SPAG9: variants seen among roughly 807,000 people sequenced by gnomAD.
The protein encoded by SPAG9 is C-Jun-amino-terminal kinase-interacting protein 4.
A neutral mutation model predicts 166.5 loss-of-function variants in SPAG9; 35 were observed. The observed-to-expected ratio is 0.21, with a 90% CI of 0.16 to 0.28. The LOEUF (loss-of-function observed/expected upper bound fraction) is 0.28. Ranked by LOEUF, SPAG9 falls within the 10% of genes least tolerant of loss-of-function variation. The probability of loss-of-function intolerance (pLI) is 1.00; values close to 1 mark genes in which losing one functional copy is unlikely to be tolerated. For synonymous variants in SPAG9, 534 were observed against 565.5 expected (o/e 0.94, Z 0.79); for missense variants, 1,235 against 1,603.3 (o/e 0.77, Z 3.92).
intron 1 of SPAG9, among the ~76,000 whole-genome samples, chr17:51,102,432 T>C (rs1321623225): frequency 6.8e-6 from 1 of 147,328 alleles, no homozygotes; most frequent in East Asian, 2.0e-4. Flanking sequence ...AAGAAAAAAA[T>C]AGAAATGTCT....
In SPAG9 at chr17:51,082,377, C is replaced by CAAAA. The variant is rs773287286; in HGVS notation, c.304-2677_304-2674dup. On this transcript the variant is annotated intron_variant, in intron 1 of 29. Transcript: ENST00000262013. ...CCTGGGCAACAGAGCAAGACTGTCT[C>CAAAA]AAAAAAAAAAAAAAAAAAAAAAAAA... Among the ~76,000 whole-genome samples the CAAAA allele has an allele frequency of 5.5e-3, 267 of 48,962 alleles. 6 individuals carry two copies. Among genetic ancestry groups the CAAAA allele is most frequent in the African/African-American group, 0.019 (254 of 13,470 alleles). The allele number at this position is 48,962 out of a possible 152,430, so 32.1% of individuals were successfully genotyped here.
chr17:51,098,890 A>G (rs2048719496), intron 1 of SPAG9, among the ~76,000 whole-genome samples: 1 of 151,388 alleles, frequency 6.6e-6, no homozygotes, highest in African/African-American at 2.4e-5. Flanking sequence ...TCACAAGGTC[A>G]GGAGATCAAG....
intron 15 of SPAG9, among the ~76,000 whole-genome samples, chr17:50,997,754 A>G (rs897508810): frequency 2.6e-5 from 4 of 152,164 alleles, no homozygotes; most frequent in African/African-American, 9.7e-5. Context: ...AATTTGCCCA[A>G]GTGTTTGTAC....
At chr17:51,005,291 T>A in intron 11 of SPAG9, 28 bp from the exon 12 acceptor site, 2 of 1,608,328 alleles carry the variant, frequency 1.2e-6, no homozygotes, top group East Asian at 2.2e-5. Flanking sequence ...AAACAAAACA[T>A]GTTATTTGAA....
chr17:51,058,663 G>A (rs1277374929), intron 2 of SPAG9, among the ~76,000 whole-genome samples: 2 of 152,110 alleles, frequency 1.3e-5, no homozygotes, highest in African/African-American at 4.8e-5. Context: ...GATACAAAGG[G>A]CATCAAACTG....
Position 51,005,032 on chromosome 17 carries a change from T to C in SPAG9, c.1476+180A>G, listed in dbSNP as rs569476991. ...GGAAAATGAGCACACTGCATGGAGC[T>C]AGAAAGCTCAGCATCTGGATACCAT... is the stretch of plus-strand genomic sequence containing the variant. On this transcript the variant is annotated intron_variant, in intron 12 of 29. Transcript: ENST00000262013. Among the ~76,000 whole-genome samples the C allele has an allele frequency of 1.6e-4, 24 of 152,318 alleles. No individual in the cohort carries two copies. The South Asian group carries it at 4.8e-3, about 30-fold the overall frequency.
At chr17:51,023,828 C>G (rs556281559) in intron 6 of SPAG9, among the ~76,000 whole-genome samples, 1 of 152,240 alleles carries the variant, frequency 6.6e-6, no homozygotes, top group Non-Finnish European at 1.5e-5. Context: ...CCATGCCCCA[C>G]TAATTTTTTG....
chr17:51,111,255 T>A (rs968795980), intron 1 of SPAG9, among the ~76,000 whole-genome samples: 2 of 152,204 alleles, frequency 1.3e-5, no homozygotes, highest in African/African-American at 4.8e-5. Flanking sequence ...TAACATTACA[T>A]ACATTATTAA....
intron 9 of SPAG9, chr17:51,007,767 C>A (rs2045288330): frequency 3.6e-5 from 15 of 414,064 alleles, no homozygotes; most frequent in South Asian, 2.7e-4. Flanking sequence ...AAAAATTAGA[C>A]CTTATTAATA....
chr17:51,098,824 G>A (rs1181363904), intron 1 of SPAG9, among the ~76,000 whole-genome samples: 4 of 151,748 alleles, frequency 2.6e-5, no homozygotes, highest in Admixed American at 1.3e-4. Flanking sequence ...ACTTTGGGCC[G>A]GGCACAGTGG....
rs186997519 is a variant in SPAG9, at chr17:51,076,180, G to C, written c.424+3404C>G. Among the ~76,000 whole-genome samples the C allele has an allele frequency of 1.5e-3, 227 of 151,928 alleles. 1 individual carries two copies. The highest frequency in any genetic ancestry group is 2.9e-3 in the Non-Finnish European group (196 of 67,958). ...CTCATGCCTGTAATGCCAGCACTTT[G>C]GGAGGCCGAGGCGGGCGGACTGCTT... On this transcript the variant is annotated intron_variant, in intron 2 of 29. Coordinates refer to ENST00000262013, the MANE Select transcript of SPAG9 (RefSeq NM_001130528.3).
intron 1 of SPAG9, among the ~76,000 whole-genome samples, chr17:51,080,047 G>C (rs957108826): frequency 2.6e-5 from 4 of 152,078 alleles, no homozygotes. Context: ...GAGAACAAAA[G>C]AATGATGGAA....
chr17:50,967,297 A>C (rs1973432184), intron 29 of SPAG9, among the ~76,000 whole-genome samples: 1 of 152,240 alleles, frequency 6.6e-6, no homozygotes, highest in South Asian at 2.1e-4. Context: ...CAGGACCTAA[A>C]GATATATTCC....
intron 1 of SPAG9, among the ~76,000 whole-genome samples, chr17:51,115,086 C>T (rs1439270252): frequency 6.6e-6 from 1 of 152,164 alleles, no homozygotes; most frequent in African/African-American, 2.4e-5. Flanking sequence ...CAAAAGTCTC[C>T]ATTTAAACAA....
intron 13 of SPAG9, among the ~76,000 whole-genome samples, chr17:51,000,852 G>T (rs370524138): frequency 6.6e-6 from 1 of 152,036 alleles, no homozygotes; most frequent in Admixed American, 6.6e-5. Context: ...ACTAAATACT[G>T]CAGTTAAGAA....
At chr17:51,000,767 A>G (rs778021043) in intron 13 of SPAG9, among the ~76,000 whole-genome samples, 52 of 89,650 alleles carry the variant, frequency 5.8e-4, no homozygotes, top group African/African-American at 1.3e-3. Context: ...ATAAATAAAT[A>G]AATAAATAAA....
chr17:51,055,969 T>C (rs1413594157), intron 3 of SPAG9, among the ~76,000 whole-genome samples: 2 of 152,226 alleles, frequency 1.3e-5, no homozygotes, highest in East Asian at 1.9e-4. Context: ...TTTGTGCTTA[T>C]ATTATTTGTT....
At chr17:51,055,253 T>C (rs1383027023) in intron 3 of SPAG9, among the ~76,000 whole-genome samples, 1 of 151,952 alleles carries the variant, frequency 6.6e-6, no homozygotes, top group Non-Finnish European at 1.5e-5. Context: ...CTTGGGAGGC[T>C]GAGGGAGGAG....
chr17:51,014,225 A>G lies in SPAG9; in HGVS notation c.1213+7T>C. 6.2e-7 allele frequency: 1 copy of G among 1,605,554 alleles called. No individual in the cohort carries two copies. The highest frequency in any genetic ancestry group is 8.5e-7 in the Non-Finnish European group (1 of 1,176,524). On this transcript the variant is annotated splice_region_variant and intron_variant, in intron 9 of 29. Coordinates refer to ENST00000262013, the MANE Select transcript of SPAG9 (RefSeq NM_001130528.3). ...AGTATGATATTTCTTCAGATGAGCT[A>G]TCATACCTAGTAAATCTGCTCCTTC...
Sources: allele counts gnomAD v4.1 joint callset (sites outside exome capture counted in the v4.1 genomes callset), GRCh38; gene constraint gnomAD v4.1.1; transcripts MANE v1.5; gene names NCBI Gene and HGNC (gene_info 2026-07-23, HGNC 2026-07-21).